ACACA: variants seen among roughly 807,000 people sequenced by gnomAD.
The protein encoded by ACACA is acetyl-CoA carboxylase alpha.
Under a neutral mutation model 296.1 loss-of-function variants are expected in ACACA, and 103 were observed. The observed-to-expected ratio is 0.35, with a 90% CI of 0.30 to 0.41. ACACA has a LOEUF of 0.41. Among genes scored for constraint, ACACA ranks in the 10% least tolerant of loss-of-function variants. The pLI, the probability that ACACA is intolerant of heterozygous loss-of-function variation, is 1.00. For missense variants in ACACA, 1,554 were observed against 2,989.7 expected, an observed-to-expected ratio of 0.52 and a Z score of 11.20; for synonymous variants, 953 against 1,038.6, an observed-to-expected ratio of 0.92 and a Z score of 1.58.
chr17:37,404,681 TCTC>T (rs1269151499), intron 1 of ACACA, among the ~76,000 whole-genome samples: 2 of 150,696 alleles, frequency 1.3e-5, no homozygotes, highest in Non-Finnish European at 3.0e-5. Flanking sequence ...TTCAAGTGAT[TCTC>T]CTACCTCAGC....
In ACACA at chr17:37,151,544, T is replaced by A. The variant is rs549724276; in HGVS notation, c.5448-123A>T. The A allele has an allele frequency of 4.2e-6, 5 of 1,180,030 alleles. No homozygotes were observed. In the African/African-American group the frequency reaches 7.6e-5, roughly 18 times the overall value. 73.1% of individuals were successfully genotyped at this position (1,180,030 alleles called of 1,614,324 possible). On this transcript the variant is annotated intron_variant, in intron 43 of 55. Transcript: ENST00000616317. ...GAAAGCTTATATTTAATGCCAGGGC[T>A]TTATGTGCTTCCTTTTATACTCTTC... is the stretch of plus-strand genomic sequence containing the variant.
chr17:37,358,663 C>A (rs1397123826), intron 1 of ACACA, among the ~76,000 whole-genome samples: 1 of 152,248 alleles, frequency 6.6e-6, no homozygotes, highest in African/African-American at 2.4e-5. Flanking sequence ...TCAGACCACG[C>A]TGGAGCTGGG....
chr17:37,379,514 T>A, intron 1 of ACACA: 1 of 1,267,820 alleles, frequency 7.9e-7, no homozygotes, highest in Middle Eastern at 2.7e-4. Flanking sequence ...GTTTGTTTTT[T>A]TTCTTGTAAA....
chr17:37,308,269 T>C (rs1023616334), intron 3 of ACACA, among the ~76,000 whole-genome samples: 14 of 152,058 alleles, frequency 9.2e-5, no homozygotes, highest in African/African-American at 3.4e-4. Flanking sequence ...TGAATAATAA[T>C]GAAAATGTAT....
chr17:37,238,968 A>T (rs1342978141), intron 24 of ACACA, among the ~76,000 whole-genome samples: 2 of 152,132 alleles, frequency 1.3e-5, no homozygotes, highest in African/African-American at 4.8e-5. Context: ...GTAGGACTAT[A>T]GGCATGTGCC....
chr17:37,217,609 C>G (rs953442572), intron 29 of ACACA, among the ~76,000 whole-genome samples: 1 of 151,704 alleles, frequency 6.6e-6, no homozygotes, highest in South Asian at 2.1e-4. Flanking sequence ...ATGGCAGGCA[C>G]CTGTAGTCCC....
chr17:37,275,813 G>T, intron 8 of ACACA, 138 bp downstream of exon 8: 1 of 775,502 alleles, frequency 1.3e-6, no homozygotes, highest in Non-Finnish European at 2.3e-6. Flanking sequence ...AATTAAGCTA[G>T]GAGCTACAAG....
At chr17:37,129,545 C>T in intron 46 of ACACA, 60 bp from the exon 47 acceptor site, 2 of 1,608,782 alleles carry the variant, frequency 1.2e-6, no homozygotes, top group Non-Finnish European at 1.7e-6. Flanking sequence ...GACTCCAACT[C>T]AGCAACAATA....
At chr17:37,313,907 T>C (rs376174833) in intron 3 of ACACA, among the ~76,000 whole-genome samples, 7 of 152,228 alleles carry the variant, frequency 4.6e-5, no homozygotes, top group East Asian at 3.9e-4. Context: ...TACACTCCCA[T>C]GTTTATTACA....
chr17:37,145,734 C>A (rs183257655), intron 45 of ACACA, among the ~76,000 whole-genome samples: 4 of 152,154 alleles, frequency 2.6e-5, no homozygotes, highest in Non-Finnish European at 5.9e-5. Context: ...TAGCAAGGAA[C>A]CAGACAGATA....
intron 34 of ACACA, 118 bp from the exon 35 acceptor site, chr17:37,200,301 CT>C: frequency 7.3e-7 from 1 of 1,375,972 alleles, no homozygotes; most frequent in Non-Finnish European, 1.0e-6. Flanking sequence ...AAAAATGAAA[CT>C]TACAGAAAAG....
chr17:37,287,443 G>A (rs2082827362), intron 3 of ACACA, among the ~76,000 whole-genome samples: 1 of 151,868 alleles, frequency 6.6e-6, no homozygotes, highest in Non-Finnish European at 1.5e-5. Context: ...ATAACAAGAA[G>A]GGACAAGGCC....
At chr17:37,115,090 T>C (rs768760501) in intron 50 of ACACA, among the ~76,000 whole-genome samples, 1 of 152,196 alleles carries the variant, frequency 6.6e-6, no homozygotes, top group Non-Finnish European at 1.5e-5. Flanking sequence ...CCCTACTCTA[T>C]GTGGAATGTG....
In ACACA at chr17:37,184,848, C is replaced by CA. The variant is rs35132757; in HGVS notation, c.4776+3428dup. Among the ~76,000 whole-genome samples the CA allele has an allele frequency of 8.6e-3, 934 of 108,232 alleles. 5 individuals are homozygous for CA. The highest frequency in any genetic ancestry group is 0.016 in the African/African-American group (500 of 31,618). The allele number at this position is 108,232 out of a possible 152,430, so 71.0% of individuals were successfully genotyped here. ...TGGGCAAGATAGTGAGACCCTGTCT[C>CA]AAAAAAAAAAAAAAAAAATCCATGA... On this transcript the variant is annotated intron_variant, in intron 39 of 55. Transcript: ENST00000616317.
chr17:37,153,790 C>T (rs917625893), intron 43 of ACACA, among the ~76,000 whole-genome samples: 2 of 151,918 alleles, frequency 1.3e-5, no homozygotes, highest in Non-Finnish European at 2.9e-5. Flanking sequence ...ACTAAGGATG[C>T]CATGAACCAA....
chr17:37,269,283 C>A (rs1421267635), intron 10 of ACACA, among the ~76,000 whole-genome samples: 1 of 152,146 alleles, frequency 6.6e-6, no homozygotes, highest in Non-Finnish European at 1.5e-5. Context: ...CAAGACAACA[C>A]CTTTATCACT....
At position 37,161,938 on chromosome 17, in the gene ACACA, T is replaced by C; in HGVS notation, c.5192A>G (p.Gln1731Arg). The C allele has an allele frequency of 6.2e-7, 1 of 1,614,186 alleles. No homozygotes were observed. The highest frequency in any genetic ancestry group is 8.5e-7 in the Non-Finnish European group (1 of 1,180,022). ...AGCTCTGAGAAATAACAAATCCTCT[T>C]GAGGCCCAAAGGACCCAATTCGGTA... is the stretch of plus-strand genomic sequence containing the variant. Reference protein sequence around the residue: ...ITYRIGSFGPQEDLLFLRASE... With the variant: ...ITYRIGSFGPREDLLFLRASE... The change falls in exon 42 of 56, where the codon CAA (glutamine) becomes CGA (arginine). Residue 1731 changes from glutamine (Q) to arginine (R), a missense_variant. Physicochemically the swap from Gln to Arg is conservative, Grantham distance 43. This residue lies in a region of ACACA where 553 missense variants were observed against 1,043.6 expected (regional missense o/e 0.53). Coordinates refer to ENST00000616317, the MANE Select transcript of ACACA (RefSeq NM_198834.3).
chr17:37,265,386 C>G (rs1201373275), intron 10 of ACACA, among the ~76,000 whole-genome samples: 1 of 152,150 alleles, frequency 6.6e-6, no homozygotes, highest in African/African-American at 2.4e-5. Context: ...CTCCCAAGAC[C>G]CCCAAAGTCT....
chr17:37,384,036 C>G lies in ACACA; in HGVS notation c.38+22226G>C, dbSNP rs909167093. 2.6e-5 allele frequency among the ~76,000 whole-genome samples: 4 copies of G among 152,084 alleles called. No individual in the cohort carries two copies. In the East Asian group the frequency reaches 7.7e-4, roughly 29 times the overall value. Reference sequence around the variant, plus strand: ...ATCCCAGCACTTTGGGAGCCCGAGGCGGGCAGAACATGAGGTCAGGAATTC... The same window carrying G: ...ATCCCAGCACTTTGGGAGCCCGAGGGGGGCAGAACATGAGGTCAGGAATTC... On this transcript the variant is annotated intron_variant, in intron 1 of 55. Coordinates refer to ENST00000616317, the MANE Select transcript of ACACA (RefSeq NM_198834.3).
Sources: gnomAD v4.1 joint callset for allele counts (sites outside exome capture counted in the v4.1 genomes callset) on GRCh38, gnomAD v4.1.1 for gene constraint, gnomAD v4.1.1 regional missense constraint, MANE v1.5 for transcripts, NCBI Gene and HGNC (gene_info 2026-07-23, HGNC 2026-07-21) for gene names.